PRKAR1A: variants seen among roughly 807,000 people sequenced by gnomAD.
PRKAR1A encodes the protein protein kinase cAMP-dependent type I regulatory subunit alpha.
A neutral mutation model predicts 52.0 loss-of-function variants in PRKAR1A; 3 were observed. That is an observed-to-expected ratio of 0.06 (90% CI 0.03 to 0.15). The LOEUF (loss-of-function observed/expected upper bound fraction) is 0.15. PRKAR1A is among the 10% of genes least tolerant of loss of function. The probability of loss-of-function intolerance (pLI) is 1.00; values close to 1 mark genes in which losing one functional copy is unlikely to be tolerated. For synonymous variants in PRKAR1A, 188 were observed against 168.4 expected, an observed-to-expected ratio of 1.12 and a Z score of -0.90; for missense variants, 240 against 477.4, an observed-to-expected ratio of 0.50 and a Z score of 4.63.
Position 68,531,565 on chromosome 17 carries a change from T to C in PRKAR1A, c.*1116T>C, listed in dbSNP as rs1254676161. On this transcript the variant is annotated 3_prime_UTR_variant, in exon 11 of 11. Coordinates refer to ENST00000589228, the MANE Select transcript of PRKAR1A (RefSeq NM_002734.5). ...GTTTTTTACTTTGGTTTAGTCTTTTTTTCCTTCCTTTTTATTCAGCTAGAA... is the reference window on the plus strand; with the variant it reads ...GTTTTTTACTTTGGTTTAGTCTTTTCTTCCTTCCTTTTTATTCAGCTAGAA... The C allele has an allele frequency of 2.8e-6, 3 of 1,066,310 alleles. No homozygotes were observed. Among genetic ancestry groups the C allele is most frequent in the South Asian group, 4.5e-5 (1 of 21,990 alleles). 66.1% of individuals were successfully genotyped at this position (1,066,310 alleles called of 1,614,324 possible).
chr17:68,519,241 C>G (rs2143214095), intron 2 of PRKAR1A, among the ~76,000 whole-genome samples: 1 of 152,270 alleles, frequency 6.6e-6, no homozygotes, highest in South Asian at 2.1e-4. Flanking sequence ...TGTTCTCATG[C>G]TGCTAATAAA....
At chr17:68,515,696 AAC>A in intron 2 of PRKAR1A, 120 bp downstream of exon 2, 1 of 1,216,170 alleles carries the variant, frequency 8.2e-7, no homozygotes, top group African/African-American at 1.5e-5. Context: ...AAAAGTCTAA[AAC>A]AATTTCAAAT....
At chr17:68,459,229 C>G in the PRKAR1A span, among the ~76,000 whole-genome samples, 1 of 152,180 alleles carries the variant, frequency 6.6e-6, no homozygotes, top group African/African-American at 2.4e-5. Context: ...CCTTTCAGAT[C>G]AAAGGTGCTT....
rs569632557 is a variant in PRKAR1A at position 68,516,475 on chromosome 17, C to T, written c.177+899C>T. On this transcript the variant is annotated intron_variant, in intron 2 of 10. Transcript: ENST00000589228. The stretch of plus-strand genomic sequence containing the variant: ...TGAATTAATTGAAATGAATCATATA[C>T]CAAAAGAAATGATTCATATACCAAA... 5.1e-4 allele frequency among the ~76,000 whole-genome samples: 77 copies of T among 151,748 alleles called. 1 individual carries two copies. Among genetic ancestry groups the T allele is most frequent in the Non-Finnish European group, 1.0e-3 (68 of 67,916 alleles).
the PRKAR1A span, among the ~76,000 whole-genome samples, chr17:68,500,273 A>C: frequency 6.6e-6 from 1 of 152,272 alleles, no homozygotes; most frequent in Admixed American, 6.5e-5. Context: ...ACCAGGTGGG[A>C]GATAATTGAA....
chr17:68,479,923 A>C, the PRKAR1A span, among the ~76,000 whole-genome samples: 3 of 152,214 alleles, frequency 2.0e-5, no homozygotes, highest in African/African-American at 7.2e-5. Context: ...CAGAGGGGGA[A>C]ATGCCCCTTA....
At chr17:68,450,901 G>A in the PRKAR1A span, 1 of 1,610,766 alleles carries the variant, frequency 6.2e-7, no homozygotes, top group Non-Finnish European at 8.5e-7. Flanking sequence ...ATTTCATCTG[G>A]GAGGAAAAGC....
At chr17:68,436,486 A>G in the PRKAR1A span, 4 of 1,613,146 alleles carry the variant, frequency 2.5e-6, no homozygotes, top group Non-Finnish European at 2.5e-6. Context: ...AGACCTGGCA[A>G]AGAAGAAACA....
At chr17:68,529,787 G>A (rs980973903) in intron 9 of PRKAR1A, 133 bp from the exon 10 acceptor site, 3 of 863,406 alleles carry the variant, frequency 3.5e-6, no homozygotes, top group Non-Finnish European at 5.9e-6. Context: ...AGCTCATGTG[G>A]TGACTAACTT....
At chr17:68,487,401 A>G in the PRKAR1A span, among the ~76,000 whole-genome samples, 2 of 152,254 alleles carry the variant, frequency 1.3e-5, no homozygotes, top group Non-Finnish European at 2.9e-5. Context: ...GCCTAACACT[A>G]TGGTATATAT....
At chr17:68,543,084 A>G (rs1226046806) in intron 11 of PRKAR1A, among the ~76,000 whole-genome samples, 1 of 152,160 alleles carries the variant, frequency 6.6e-6, no homozygotes, top group Non-Finnish European at 1.5e-5. Flanking sequence ...GTTCTTGGTC[A>G]GTGCTTCTCA....
the PRKAR1A span, among the ~76,000 whole-genome samples, chr17:68,484,378 G>A: frequency 6.6e-6 from 1 of 151,134 alleles, no homozygotes; most frequent in Non-Finnish European, 1.5e-5. Context: ...ATTTTTCATT[G>A]TTAGTAGATA....
chr17:68,470,377 G>T, the PRKAR1A span, among the ~76,000 whole-genome samples: 1 of 152,140 alleles, frequency 6.6e-6, no homozygotes, highest in East Asian at 1.9e-4. Flanking sequence ...ACCGTGCCCG[G>T]CCCATCTTAG....
At chr17:68,547,162 G>C (rs2143587771) in intron 11 of PRKAR1A, among the ~76,000 whole-genome samples, 1 of 152,234 alleles carries the variant, frequency 6.6e-6, no homozygotes, top group Non-Finnish European at 1.5e-5. Context: ...ACTCTTGAGG[G>C]CCTGAGGATG....
chr17:68,485,210 G>A, the PRKAR1A span, among the ~76,000 whole-genome samples: 1 of 152,156 alleles, frequency 6.6e-6, no homozygotes, highest in African/African-American at 2.4e-5. Context: ...TAGAATTGAA[G>A]GTAAGCTCAA....
Position 68,531,929 on chromosome 17 carries a change from T to C in PRKAR1A, c.*1480T>C. Reference sequence around the variant, plus strand: ...ATATTTGGGAGTGACTGCAAGCATTTTTCCATCTGTGTGCAACTAACTGAC... The same window carrying C: ...ATATTTGGGAGTGACTGCAAGCATTCTTCCATCTGTGTGCAACTAACTGAC... On this transcript the variant is annotated 3_prime_UTR_variant, in exon 11 of 11. Transcript: ENST00000589228. The C allele has an allele frequency of 1.9e-6, 2 of 1,065,624 alleles. No homozygotes were observed. Among genetic ancestry groups the C allele is most frequent in the Non-Finnish European group, 2.3e-6 (2 of 879,076 alleles). The allele number at this position is 1,065,624 out of a possible 1,614,324, so 66.0% of individuals were successfully genotyped here.
the PRKAR1A span, among the ~76,000 whole-genome samples, chr17:68,418,526 G>T: frequency 6.7e-6 from 1 of 149,468 alleles, no homozygotes. Context: ...TTGTCTAAAG[G>T]CTTTGAGATC....
At chr17:68,506,637 C>T in the PRKAR1A span, among the ~76,000 whole-genome samples, 251 of 152,168 alleles carry the variant, frequency 1.6e-3, 2 homozygotes, top group African/African-American at 5.7e-3. Context: ...GCGTGCACCA[C>T]CACACCCGGC....
At chr17:68,510,299 GT>G (rs1304878090), upstream of PRKAR1A, among the ~76,000 whole-genome samples, 3 of 151,940 alleles carry the variant, frequency 2.0e-5, no homozygotes, top group Non-Finnish European at 4.4e-5. Context: ...CATGTCTCAT[GT>G]TTTTTTCTGT....
Sources: gnomAD v4.1 joint callset for allele counts (sites outside exome capture counted in the v4.1 genomes callset) on GRCh38, gnomAD v4.1.1 for gene constraint, MANE v1.5 for transcripts, NCBI Gene and HGNC (gene_info 2026-07-23, HGNC 2026-07-21) for gene names.